RPTOR: variants seen among roughly 807,000 people sequenced by gnomAD.
RPTOR encodes the protein regulatory associated protein of MTOR complex 1.
A neutral mutation model predicts 169.9 loss-of-function variants in RPTOR; 21 were observed. The ratio of observed to expected loss-of-function variants is 0.12; its 90% CI spans 0.09 to 0.18. The LOEUF (loss-of-function observed/expected upper bound fraction) is 0.18. Among genes scored for constraint, RPTOR ranks in the 10% least tolerant of loss-of-function variants. The pLI is 1.00. For missense variants in RPTOR, 1,133 were observed against 1,855.9 expected (o/e 0.61, Z 7.16); for synonymous variants, 732 against 753.2 (o/e 0.97, Z 0.46).
chr17:80,872,562 T>C (rs2068062904), intron 13 of RPTOR, among the ~76,000 whole-genome samples: 2 of 152,194 alleles, frequency 1.3e-5, no homozygotes, highest in South Asian at 2.1e-4. Context: ...GGGAACTGGG[T>C]CTGTCGGTGC....
chr17:80,702,991 A>G (rs2066113833), intron 3 of RPTOR, among the ~76,000 whole-genome samples: 2 of 152,166 alleles, frequency 1.3e-5, no homozygotes, highest in East Asian at 1.9e-4. Context: ...TCACTAGAAA[A>G]TCTCCCAGCG....
chr17:80,741,056 G>T (rs910969886), intron 5 of RPTOR, among the ~76,000 whole-genome samples: 6 of 152,232 alleles, frequency 3.9e-5, no homozygotes, highest in African/African-American at 1.4e-4. Flanking sequence ...GATGTGGAGA[G>T]ATTGGAATCC....
At chr17:80,728,067 A>G (rs1346133746) in intron 4 of RPTOR, among the ~76,000 whole-genome samples, 1 of 152,194 alleles carries the variant, frequency 6.6e-6, no homozygotes, top group Non-Finnish European at 1.5e-5. Context: ...CGATAGGTAG[A>G]TAGATAGATT....
chr17:80,736,297 C>T (rs1325931905), intron 5 of RPTOR, among the ~76,000 whole-genome samples: 2 of 152,172 alleles, frequency 1.3e-5, no homozygotes, highest in Non-Finnish European at 2.9e-5. Flanking sequence ...TGTCTCTAAA[C>T]ACAATTGTGT....
intron 3 of RPTOR, among the ~76,000 whole-genome samples, chr17:80,704,817 A>G (rs1475766968): frequency 6.6e-6 from 1 of 152,272 alleles, no homozygotes; most frequent in East Asian, 1.9e-4. Context: ...TTTACCGTCT[A>G]CACAGAATTG....
At chr17:80,787,561 G>A (rs2067005822) in intron 6 of RPTOR, among the ~76,000 whole-genome samples, 1 of 152,232 alleles carries the variant, frequency 6.6e-6, no homozygotes. Flanking sequence ...GGATCATAGT[G>A]TATAGGAACA....
intron 21 of RPTOR, among the ~76,000 whole-genome samples, chr17:80,921,161 T>A (rs1180690691): frequency 6.6e-6 from 1 of 152,212 alleles, no homozygotes; most frequent in African/African-American, 2.4e-5. Context: ...GTTCCTAAAT[T>A]CTAAGTGAAT....
At chr17:80,566,579 G>A (rs2064843267) in intron 1 of RPTOR, among the ~76,000 whole-genome samples, 1 of 151,990 alleles carries the variant, frequency 6.6e-6, no homozygotes, top group South Asian at 2.1e-4. Flanking sequence ...CCAGCTCTTA[G>A]GGAGGCCGAG....
intron 3 of RPTOR, among the ~76,000 whole-genome samples, chr17:80,658,889 C>G (rs989980565): frequency 2.6e-5 from 4 of 152,198 alleles, no homozygotes; most frequent in Non-Finnish European, 5.9e-5. Flanking sequence ...ACCTTGTTAT[C>G]TCTTTTCTTG....
At chr17:80,596,156 T>C (rs2065143074) in intron 1 of RPTOR, among the ~76,000 whole-genome samples, 1 of 150,382 alleles carries the variant, frequency 6.6e-6, no homozygotes, top group African/African-American at 2.4e-5. Context: ...CTATGATTAA[T>C]ATTTACATTT....
chr17:80,816,711 G>A (rs2067326994), intron 7 of RPTOR, among the ~76,000 whole-genome samples: 1 of 152,202 alleles, frequency 6.6e-6, no homozygotes, highest in Non-Finnish European at 1.5e-5. Context: ...CTTGGGAGGA[G>A]GTGGCTTGGA....
In RPTOR at chr17:80,957,883, G is replaced by C. The variant is rs1422554586; in HGVS notation, c.3477+153G>C. 1.3e-5 allele frequency among the ~76,000 whole-genome samples: 2 copies of C among 152,290 alleles called. No individual in the cohort carries two copies. The highest frequency in any genetic ancestry group is 2.9e-5 in the Non-Finnish European group (2 of 68,034). On this transcript the variant is annotated intron_variant, in intron 29 of 33. Coordinates refer to ENST00000306801, the MANE Select transcript of RPTOR (RefSeq NM_020761.3). The surrounding 1 kb of genome is among the most constrained non-coding windows in gnomAD (Gnocchi z 4.6). ...GAGGACAGTGCCGGGACAATGCTGG[G>C]AGGAGACGTGGGCTCCCTGAGGCCT...
At chr17:80,851,731 G>A (rs1329978355) in intron 11 of RPTOR, among the ~76,000 whole-genome samples, 1 of 152,224 alleles carries the variant, frequency 6.6e-6, no homozygotes, top group African/African-American at 2.4e-5. Context: ...CGTCCCGCTT[G>A]CTTTTGTTGT....
At chr17:80,920,556 A>G (rs2068732624) in intron 21 of RPTOR, among the ~76,000 whole-genome samples, 1 of 152,252 alleles carries the variant, frequency 6.6e-6, no homozygotes, top group Non-Finnish European at 1.5e-5. Flanking sequence ...TGGGCAGAGC[A>G]GAGGGTTCGT....
chr17:80,663,755 CCT>C (rs1387822785), intron 3 of RPTOR, among the ~76,000 whole-genome samples: 1 of 152,058 alleles, frequency 6.6e-6, no homozygotes, highest in Non-Finnish European at 1.5e-5. Flanking sequence ...GTCACAGTCC[CCT>C]CTGTCTTCCT....
At chr17:80,627,104 C>T (rs764154134) in intron 2 of RPTOR, among the ~76,000 whole-genome samples, 2 of 152,188 alleles carry the variant, frequency 1.3e-5, no homozygotes, top group South Asian at 2.1e-4. Flanking sequence ...TCATCCATGT[C>T]GTAGCATGTG....
intron 3 of RPTOR, among the ~76,000 whole-genome samples, chr17:80,665,443 C>T (rs1233824970): frequency 4.9e-5 from 1 of 20,424 alleles, no homozygotes; most frequent in African/African-American, 5.7e-4. Context: ...CTTTCCTTTC[C>T]TTTCCTTTCC....
intron 21 of RPTOR, among the ~76,000 whole-genome samples, chr17:80,919,883 C>T (rs2068724207): frequency 6.6e-6 from 1 of 152,250 alleles, no homozygotes; most frequent in South Asian, 2.1e-4. Flanking sequence ...GTTTGCACAC[C>T]CTTGACCTCT....
At chr17:80,955,701 A>G (rs985907981) in intron 28 of RPTOR, among the ~76,000 whole-genome samples, 13 of 152,228 alleles carry the variant, frequency 8.5e-5, no homozygotes, top group African/African-American at 3.1e-4. Context: ...CAAACACCAC[A>G]CATCGATAAG....
Sources: allele counts gnomAD v4.1 joint callset (sites outside exome capture counted in the v4.1 genomes callset), GRCh38; gene constraint gnomAD v4.1.1; non-coding constraint Gnocchi (gnomAD v3.1); transcripts MANE v1.5; gene names NCBI Gene and HGNC (gene_info 2026-07-23, HGNC 2026-07-21).